The following RABGAP1L variants were observed in gnomAD, a reference collection of about 807,000 sequenced individuals.
RABGAP1L encodes the protein RAB GTPase activating protein 1 like, also known as rab GTPase-activating protein 1-like.
RABGAP1L carries 63 observed loss-of-function variants against 137.7 expected under a neutral mutation model. The observed-to-expected ratio is 0.46, with a 90% CI of 0.37 to 0.56. RABGAP1L has a LOEUF of 0.56. Among genes scored for constraint, RABGAP1L ranks in the 20% least tolerant of loss-of-function variants. RABGAP1L has a pLI of 0.00. For missense variants in RABGAP1L, 1,095 were observed against 1,244.0 expected, an observed-to-expected ratio of 0.88 and a Z score of 1.80; for synonymous variants, 431 against 433.7, an observed-to-expected ratio of 0.99 and a Z score of 0.08.
intron 14 of RABGAP1L, among the ~76,000 whole-genome samples, chr1:174,677,020 G>A (rs1677680281): frequency 6.6e-6 from 1 of 152,102 alleles, no homozygotes; most frequent in South Asian, 2.1e-4. Context: ...TCCCACTTAC[G>A]GCATAAGTAT....
chr1:174,448,978 C>T lies in RABGAP1L; in HGVS notation c.1710+54833C>T. 6.2e-7 allele frequency: 1 copy of T among 1,613,402 alleles called. No homozygotes were observed. Among genetic ancestry groups the T allele is most frequent in the Non-Finnish European group, 8.5e-7 (1 of 1,179,338 alleles). On this transcript the variant is annotated intron_variant, in intron 13 of 25. Transcript: ENST00000681986. The surrounding 1 kb of genome is among the most constrained non-coding windows in gnomAD (Gnocchi z 4.2). ...ATATAATTTACTTTCTTCTAGAAAG[C>T]TCCCGGGTCTTGGACAATCCAACTC...
chr1:174,359,769 C>G (rs1683971844), intron 11 of RABGAP1L, among the ~76,000 whole-genome samples: 1 of 152,216 alleles, frequency 6.6e-6, no homozygotes, highest in African/African-American at 2.4e-5. Context: ...GGGCAAGTTA[C>G]TTAACCTCTC....
intron 13 of RABGAP1L, among the ~76,000 whole-genome samples, chr1:174,491,466 A>C (rs1351537571): frequency 1.3e-5 from 2 of 151,094 alleles, no homozygotes; most frequent in African/African-American, 2.4e-5. Flanking sequence ...AATCCTCTTT[A>C]CTCTTCCCTT....
intron 3 of RABGAP1L, among the ~76,000 whole-genome samples, chr1:174,225,876 T>G (rs1408954044): frequency 6.6e-6 from 1 of 152,170 alleles, no homozygotes; most frequent in Non-Finnish European, 1.5e-5. Context: ...GTTTTTCTTT[T>G]CCATTTTTGG....
rs1693559514 is a variant in RABGAP1L at position 174,842,820 on chromosome 1, A to G, written c.2340+30860A>G. On this transcript the variant is annotated intron_variant, in intron 19 of 25. Coordinates refer to ENST00000681986, the MANE Select transcript of RABGAP1L (RefSeq NM_001366446.1). ...CTCTCAACTAGCATTAACATCCAAAACTATATATAATCACTAAATTTCATT... is the reference window on the plus strand; with the variant it reads ...CTCTCAACTAGCATTAACATCCAAAGCTATATATAATCACTAAATTTCATT... Among the ~76,000 whole-genome samples the G allele has an allele frequency of 2.0e-5, 3 of 152,000 alleles. No individual in the cohort carries two copies. The South Asian group carries it at 6.3e-4, about 32-fold the overall frequency.
intron 19 of RABGAP1L, chr1:174,922,510 T>C (rs1661991102): frequency 6.6e-6 from 1 of 152,250 alleles, no homozygotes; most frequent in African/African-American, 2.4e-5. Context: ...ACATGTTCCT[T>C]AGACAGTGGC....
chr1:174,767,908 A>T (rs1029060110), intron 18 of RABGAP1L, among the ~76,000 whole-genome samples: 1 of 152,178 alleles, frequency 6.6e-6, no homozygotes, highest in Non-Finnish European at 1.5e-5. Flanking sequence ...AAGAGAGAGA[A>T]TGAGAGCAAA....
rs184580184 is a variant in RABGAP1L at position 174,606,529 on chromosome 1, C to T, written c.1711-30846C>T. On this transcript the variant is annotated intron_variant, in intron 13 of 25. Coordinates refer to ENST00000681986, the MANE Select transcript of RABGAP1L (RefSeq NM_001366446.1). ...CGTTAATTGGTTGGTCTTTATTTGG[C>T]ATTTGATCAGAGGAGAGACAGTGTT... 2.8e-3 allele frequency among the ~76,000 whole-genome samples: 430 copies of T among 152,304 alleles called. 8 individuals are homozygous for T. The highest frequency in any genetic ancestry group is 4.9e-4 in the Non-Finnish European group (33 of 68,024).
intron 13 of RABGAP1L, among the ~76,000 whole-genome samples, chr1:174,407,452 T>G (rs1388453236): frequency 6.6e-6 from 1 of 152,096 alleles, no homozygotes; most frequent in African/African-American, 2.4e-5. Context: ...GTGTATAACC[T>G]TTTACTCCCC....
chr1:174,489,250 A>C (rs1327727126), intron 13 of RABGAP1L, among the ~76,000 whole-genome samples: 2 of 152,264 alleles, frequency 1.3e-5, no homozygotes, highest in Non-Finnish European at 2.9e-5. Flanking sequence ...CAACCTACAG[A>C]ATGGGAGAAA....
chr1:174,877,305 C>A, intron 19 of RABGAP1L: 1 of 1,117,064 alleles, frequency 9.0e-7, no homozygotes, highest in Non-Finnish European at 1.3e-6. Context: ...GGGTGAATTG[C>A]TAGCCAAGCC....
intron 13 of RABGAP1L, among the ~76,000 whole-genome samples, chr1:174,621,333 C>T (rs1672443873): frequency 6.6e-6 from 1 of 152,198 alleles, no homozygotes; most frequent in South Asian, 2.1e-4. Flanking sequence ...TGACTTTCTT[C>T]ACAGAACTGG....
intron 13 of RABGAP1L, among the ~76,000 whole-genome samples, chr1:174,508,151 G>A (rs1261755126): frequency 6.6e-6 from 1 of 152,082 alleles, no homozygotes; most frequent in East Asian, 1.9e-4. Context: ...AGACCCTTCC[G>A]TTTTTCACTC....
At chr1:174,460,686 A>G (rs963586451) in intron 13 of RABGAP1L, among the ~76,000 whole-genome samples, 5 of 152,154 alleles carry the variant, frequency 3.3e-5, no homozygotes, top group African/African-American at 7.2e-5. Context: ...GTATCAAACT[A>G]TGATGATTCA....
Position 174,564,650 on chromosome 1 carries a change from A to G in RABGAP1L, c.1711-72725A>G, listed in dbSNP as rs149773316. ...TTGAAACACCTCAGATCCCCTGGGC[A>G]GAGTAGATAGATGTAATTCAGGGAC... On this transcript the variant is annotated intron_variant, in intron 13 of 25. Transcript: ENST00000681986. 4.6e-5 allele frequency among the ~76,000 whole-genome samples: 7 copies of G among 152,274 alleles called. No individual in the cohort carries two copies. The East Asian group carries it at 1.4e-3, about 29-fold the overall frequency.
intron 13 of RABGAP1L, among the ~76,000 whole-genome samples, chr1:174,611,195 C>G (rs1315623482): frequency 6.8e-6 from 1 of 146,302 alleles, no homozygotes; most frequent in Non-Finnish European, 1.5e-5. Context: ...TTAGGTCTAA[C>G]ATTTAAGTCT....
chr1:174,437,425 C>T lies in RABGAP1L; in HGVS notation c.1710+43280C>T, dbSNP rs556819866. Among the ~76,000 whole-genome samples the T allele has an allele frequency of 1.8e-4, 27 of 152,128 alleles. No homozygotes were observed. The East Asian group carries it at 3.5e-3, about 20-fold the overall frequency. On this transcript the variant is annotated intron_variant, in intron 13 of 25. Transcript: ENST00000681986. ...GCACGAGAGCTATGTGACGAATGCA[C>T]GAGCCTCAGTAACCGATTCGATCAA...
rs145440486 is a variant in RABGAP1L, at chr1:174,496,988, T to C, written c.1710+102843T>C. On this transcript the variant is annotated intron_variant, in intron 13 of 25. Coordinates refer to ENST00000681986, the MANE Select transcript of RABGAP1L (RefSeq NM_001366446.1). The stretch of plus-strand genomic sequence containing the variant: ...ATATATTTCTTGAATGTCTCAGTCA[T>C]TGTGTATAAATTTTATCACCCTTCT... Among the ~76,000 whole-genome samples, 176 of 152,336 alleles carry C rather than the reference T, an allele frequency of 1.2e-3. 1 individual carries two copies. The highest frequency in any genetic ancestry group is 4.1e-3 in the African/African-American group (172 of 41,570).
intron 13 of RABGAP1L, among the ~76,000 whole-genome samples, chr1:174,623,618 C>T (rs1056396883): frequency 6.6e-6 from 1 of 152,166 alleles, no homozygotes; most frequent in Non-Finnish European, 1.5e-5. Context: ...TGATAATACA[C>T]GTGGAGTACT....
Sources: allele counts gnomAD v4.1 joint callset (sites outside exome capture counted in the v4.1 genomes callset), GRCh38; gene constraint gnomAD v4.1.1; non-coding constraint Gnocchi (gnomAD v3.1); transcripts MANE v1.5; gene names NCBI Gene and HGNC (gene_info 2026-07-23, HGNC 2026-07-21).